Variants in CFAP20DC observed in about 807,000 individuals in gnomAD.
The protein encoded by CFAP20DC is CFAP20 domain containing.
Under a neutral mutation model 101.7 loss-of-function variants are expected in CFAP20DC, and 84 were observed. The ratio of observed to expected loss-of-function variants is 0.83; its 90% CI spans 0.69 to 0.99. CFAP20DC has a LOEUF of 0.99. Among genes scored for constraint, CFAP20DC ranks in the 50% least tolerant of loss-of-function variants. The pLI is 0.00. For synonymous variants in CFAP20DC, 359 were observed against 351.2 expected (o/e 1.02, Z -0.25); for missense variants, 1,007 against 970.3 (o/e 1.04, Z -0.50).
chr3:58,911,592 T>C (rs577987002), intron 6 of CFAP20DC, among the ~76,000 whole-genome samples: 1 of 152,162 alleles, frequency 6.6e-6, no homozygotes. Context: ...TCTATATGTA[T>C]ATAAAATCTA....
chr3:58,773,382 C>A (rs2071032132), intron 15 of CFAP20DC, among the ~76,000 whole-genome samples: 1 of 145,268 alleles, frequency 6.9e-6, no homozygotes, highest in Admixed American at 6.9e-5. Context: ...GAGACCTCAT[C>A]TCTAGCAAAA....
chr3:59,010,291 A>G (rs983710678), intron 4 of CFAP20DC, among the ~76,000 whole-genome samples: 1 of 152,136 alleles, frequency 6.6e-6, no homozygotes, highest in Non-Finnish European at 1.5e-5. Flanking sequence ...CCACCAACCA[A>G]GTATCTGCTG....
In CFAP20DC at chr3:58,845,695, G is replaced by C. The variant is rs2077574023; in HGVS notation, c.1971+3337C>G. Among the ~76,000 whole-genome samples the C allele has an allele frequency of 5.9e-5, 9 of 151,792 alleles. No individual in the cohort carries two copies. In the South Asian group the frequency reaches 1.9e-3, roughly 32 times the overall value. Reference sequence around the variant, plus strand: ...AGCATCATCCTGATACCAAAGCCGGGCAGAGACACAACCAAAAAAGAGAAT... The same window carrying C: ...AGCATCATCCTGATACCAAAGCCGGCCAGAGACACAACCAAAAAAGAGAAT... On this transcript the variant is annotated intron_variant, in intron 13 of 16. Coordinates refer to ENST00000482387, the MANE Select transcript of CFAP20DC (RefSeq NM_001394063.1).
At chr3:59,034,639 A>G (rs1184351492) in intron 4 of CFAP20DC, among the ~76,000 whole-genome samples, 1 of 152,220 alleles carries the variant, frequency 6.6e-6, no homozygotes, top group Non-Finnish European at 1.5e-5. Flanking sequence ...CAACAAGAAG[A>G]GCTAACTACC....
At chr3:58,751,668 T>A (rs191512584) in intron 16 of CFAP20DC, among the ~76,000 whole-genome samples, 37 of 152,248 alleles carry the variant, frequency 2.4e-4, no homozygotes, top group Non-Finnish European at 4.6e-4. Flanking sequence ...TATATACATA[T>A]ATTTTTAGTA....
chr3:58,808,896 A>T (rs1292518104), intron 14 of CFAP20DC, among the ~76,000 whole-genome samples: 1 of 152,162 alleles, frequency 6.6e-6, no homozygotes, highest in African/African-American at 2.4e-5. Context: ...GAAAACAAAA[A>T]AAGGCAGGGG....
intron 12 of CFAP20DC, among the ~76,000 whole-genome samples, chr3:58,853,135 G>A (rs987323631): frequency 6.6e-6 from 1 of 152,032 alleles, no homozygotes; most frequent in Non-Finnish European, 1.5e-5. Flanking sequence ...GACACAATAA[G>A]AAATGATGAA....
At position 58,753,818 on chromosome 3, in the gene CFAP20DC, T is replaced by C; in HGVS notation, c.2283A>G (p.Gln761=). The C allele has an allele frequency of 1.9e-6, 3 of 1,612,978 alleles. No individual in the cohort carries two copies. Among genetic ancestry groups the C allele is most frequent in the South Asian group, 1.1e-5 (1 of 90,894 alleles). ...AATCTGGACGCTGCTCAGCCGGCTG[T>C]TGACTGGGAGGAACGATTGGTGGGC... The part of the protein sequence containing the change: ...MLSPPIVPPS[Q]QPAEQRPDSC... The change falls in exon 16 of 17, where the codon CAA becomes CAG. Residue 761 remains glutamine, a synonymous_variant. Coordinates refer to ENST00000482387, the MANE Select transcript of CFAP20DC (RefSeq NM_001394063.1).
intron 4 of CFAP20DC, among the ~76,000 whole-genome samples, chr3:59,037,117 T>C (rs940621734): frequency 3.9e-5 from 6 of 152,180 alleles, no homozygotes; most frequent in African/African-American, 1.4e-4. Context: ...TTACACCTTA[T>C]ACAAAAATTA....
At chr3:58,746,832 T>C (rs2068238081) in intron 16 of CFAP20DC, among the ~76,000 whole-genome samples, 1 of 152,176 alleles carries the variant, frequency 6.6e-6, no homozygotes, top group African/African-American at 2.4e-5. Flanking sequence ...ATAAAAGGTT[T>C]TGTTTTCATT....
intron 4 of CFAP20DC, among the ~76,000 whole-genome samples, chr3:59,010,869 C>A (rs935949803): frequency 1.3e-5 from 2 of 151,998 alleles, no homozygotes; most frequent in African/African-American, 4.8e-5. Flanking sequence ...ACCTCTCAGA[C>A]CACAGTGGAA....
chr3:58,768,248 A>T (rs1267885286), intron 15 of CFAP20DC, among the ~76,000 whole-genome samples: 1 of 152,208 alleles, frequency 6.6e-6, no homozygotes, highest in Non-Finnish European at 1.5e-5. Context: ...AGCTAAACAA[A>T]GTGAAATTCA....
chr3:58,742,451 A>T lies in CFAP20DC; in HGVS notation c.*9T>A, dbSNP rs768561540. The T allele has an allele frequency of 6.3e-7, 1 of 1,588,456 alleles. No individual in the cohort carries two copies. The highest frequency in any genetic ancestry group is 8.6e-7 in the Non-Finnish European group (1 of 1,167,172). ...TGGGAGTGCCTGCTCTCTGCCCCGG[A>T]AGGAGGCATTATACCAACTCATAGT... On this transcript the variant is annotated 3_prime_UTR_variant, in exon 17 of 17. Transcript: ENST00000482387.
At chr3:59,038,701 G>A (rs2094146076) in intron 4 of CFAP20DC, among the ~76,000 whole-genome samples, 1 of 152,006 alleles carries the variant, frequency 6.6e-6, no homozygotes, top group South Asian at 2.1e-4. Flanking sequence ...GTTTTGGGGT[G>A]CCATGAACAA....
chr3:58,948,867 C>T lies in CFAP20DC; in HGVS notation c.279-11105G>A, dbSNP rs940101866. ...TGGAATAGTTTCAGAAGGAATGGTA[C>T]CAGCTCCTCTTTGTACCTCTGGTAG... On this transcript the variant is annotated intron_variant, in intron 4 of 16. Coordinates refer to ENST00000482387, the MANE Select transcript of CFAP20DC (RefSeq NM_001394063.1). Among the ~76,000 whole-genome samples the T allele has an allele frequency of 3.8e-4, 58 of 152,282 alleles. 1 individual carries two copies. Among genetic ancestry groups the T allele is most frequent in the African/African-American group, 1.3e-3 (56 of 41,554 alleles).
intron 5 of CFAP20DC, among the ~76,000 whole-genome samples, chr3:58,930,224 C>T (rs912029318): frequency 1.3e-5 from 2 of 152,152 alleles, no homozygotes; most frequent in African/African-American, 4.8e-5. Context: ...CACATCCATT[C>T]CTCCACTGCT....
At position 58,894,673 on chromosome 3, in the gene CFAP20DC, TG is replaced by T. The variant is rs2082527399; in HGVS notation, c.551-9965del. On this transcript the variant is annotated intron_variant, in intron 6 of 16. Transcript: ENST00000482387. The surrounding 1 kb of genome is among the most constrained non-coding windows in gnomAD (Gnocchi z 4.1). ...ATCTACCATTCCGGGGTTTGGAGGA[TG>T]GTGGCCCTCTTCTTACAGCTCCACT... Among the ~76,000 whole-genome samples, 1 of 152,182 alleles carries T rather than the reference TG, an allele frequency of 6.6e-6. No individual in the cohort carries two copies. Among genetic ancestry groups the T allele is most frequent in the African/African-American group, 2.4e-5 (1 of 41,450 alleles).
At position 59,015,085 on chromosome 3, in the gene CFAP20DC, G is replaced by A. The variant is rs2093661841; in HGVS notation, c.278+24472C>T. Among the ~76,000 whole-genome samples, 1 of 152,088 alleles carries A rather than the reference G, an allele frequency of 6.6e-6. No homozygotes were observed. The highest frequency in any genetic ancestry group is 6.6e-5 in the Admixed American group (1 of 15,266). On this transcript the variant is annotated intron_variant, in intron 4 of 16. Coordinates refer to ENST00000482387, the MANE Select transcript of CFAP20DC (RefSeq NM_001394063.1). This position sits in a 1 kb window ranked among gnomAD's most constrained non-coding sequence, Gnocchi z 5.4. ...TGTGGATGGAGTAGTGACAATGAAGGGACTAAGGGCTGAAGAGCCTAAGGT... is the reference window on the plus strand; with the variant it reads ...TGTGGATGGAGTAGTGACAATGAAGAGACTAAGGGCTGAAGAGCCTAAGGT...
intron 16 of CFAP20DC, among the ~76,000 whole-genome samples, chr3:58,748,748 T>C (rs908461812): frequency 6.6e-6 from 1 of 152,122 alleles, no homozygotes; most frequent in Admixed American, 6.6e-5. Flanking sequence ...ATTAAAAAAA[T>C]TGCAGTGGAT....
Sources: gnomAD v4.1 joint callset for allele counts (sites outside exome capture counted in the v4.1 genomes callset) on GRCh38, gnomAD v4.1.1 for gene constraint, Gnocchi (gnomAD v3.1) non-coding constraint, MANE v1.5 for transcripts, NCBI Gene and HGNC (gene_info 2026-07-23, HGNC 2026-07-21) for gene names.